NEGR1: variants seen among roughly 807,000 people sequenced by gnomAD.
NEGR1 encodes IgLON family member 4.
In NEGR1, 10 loss-of-function variants were observed where a neutral mutation model predicts 40.9. The observed-to-expected ratio is 0.24, with a 90% CI of 0.15 to 0.42. NEGR1 has a LOEUF of 0.42. Ranked by LOEUF, NEGR1 falls within the 10% of genes least tolerant of loss-of-function variation. The pLI, the probability that NEGR1 is intolerant of heterozygous loss-of-function variation, is 1.00. For missense variants in NEGR1, 352 were observed against 438.9 expected (o/e 0.80, Z 1.77); for synonymous variants, 185 against 166.8 (o/e 1.11, Z -0.84).
chr1:72,235,784 G>C (rs1237935671), intron 1 of NEGR1, among the ~76,000 whole-genome samples: 1 of 151,958 alleles, frequency 6.6e-6, no homozygotes, highest in Non-Finnish European at 1.5e-5. Flanking sequence ...GTGTTGAGAT[G>C]TAACATTTGA....
intron 1 of NEGR1, among the ~76,000 whole-genome samples, chr1:72,268,576 G>A (rs924144226): frequency 6.6e-6 from 1 of 151,392 alleles, no homozygotes; most frequent in Non-Finnish European, 1.5e-5. Context: ...ATGCATAAAT[G>A]CTGAAATTGG....
chr1:72,260,666 T>C (rs1362372591), intron 1 of NEGR1, among the ~76,000 whole-genome samples: 1 of 152,066 alleles, frequency 6.6e-6, no homozygotes, highest in African/African-American at 2.4e-5. Context: ...CCCAGTAAAA[T>C]GGGCTATGAA....
chr1:71,814,347 A>G (rs188601280), intron 2 of NEGR1, among the ~76,000 whole-genome samples: 112 of 152,226 alleles, frequency 7.4e-4, no homozygotes, highest in African/African-American at 2.5e-3. Context: ...ATCAATGTTC[A>G]TCAGGGATAT....
chr1:72,098,494 A>G (rs763527459), intron 1 of NEGR1, among the ~76,000 whole-genome samples: 30 of 152,142 alleles, frequency 2.0e-4, no homozygotes, highest in Non-Finnish European at 3.4e-4. Context: ...CACATTGCTT[A>G]TCAAGAATCA....
chr1:71,666,952 G>T (rs1386115247), intron 4 of NEGR1, among the ~76,000 whole-genome samples: 1 of 152,082 alleles, frequency 6.6e-6, no homozygotes, highest in Non-Finnish European at 1.5e-5. Context: ...TTTTCTGCAA[G>T]CATCTATCTG....
chr1:71,740,178 A>T (rs1655171368), intron 3 of NEGR1, among the ~76,000 whole-genome samples: 1 of 152,170 alleles, frequency 6.6e-6, no homozygotes, highest in Non-Finnish European at 1.5e-5. Flanking sequence ...TATGTTCCTA[A>T]TATGTTATAA....
At chr1:71,629,497 G>T (rs1650901462) in intron 4 of NEGR1, among the ~76,000 whole-genome samples, 1 of 151,922 alleles carries the variant, frequency 6.6e-6, no homozygotes, top group African/African-American at 2.4e-5. Context: ...TGTAGCAATT[G>T]TGAATGGGAG....
At chr1:71,682,740 G>A (rs1265652865) in intron 4 of NEGR1, among the ~76,000 whole-genome samples, 1 of 152,164 alleles carries the variant, frequency 6.6e-6, no homozygotes, top group African/African-American at 2.4e-5. Flanking sequence ...GCCCCAGTGG[G>A]AGGTATTTTG....
chr1:71,807,420 C>G (rs960172493), intron 2 of NEGR1, among the ~76,000 whole-genome samples: 1 of 152,002 alleles, frequency 6.6e-6, no homozygotes, highest in East Asian at 1.9e-4. Flanking sequence ...CAATAAAACA[C>G]CCTGTGAAAA....
intron 1 of NEGR1, among the ~76,000 whole-genome samples, chr1:72,125,750 A>T (rs1649991074): frequency 6.8e-6 from 1 of 148,140 alleles, no homozygotes; most frequent in South Asian, 2.1e-4. Flanking sequence ...TTCTCACATA[A>T]AATAAAAAAA....
intron 4 of NEGR1, among the ~76,000 whole-genome samples, chr1:71,695,618 C>G (rs200861204): frequency 2.0e-5 from 3 of 151,798 alleles, no homozygotes; most frequent in South Asian, 2.1e-4. Flanking sequence ...GCCACTAAAA[C>G]ACCTTTGTTA....
At chr1:71,958,725 G>A (rs1449035083) in intron 1 of NEGR1, among the ~76,000 whole-genome samples, 1 of 152,086 alleles carries the variant, frequency 6.6e-6, no homozygotes, top group South Asian at 2.1e-4. Flanking sequence ...AGGCTTAGGT[G>A]GATGGATGAT....
chr1:71,739,209 A>AC (rs1655133227), intron 3 of NEGR1, among the ~76,000 whole-genome samples: 2 of 150,286 alleles, frequency 1.3e-5, no homozygotes. Context: ...GAAAAAAAAA[A>AC]AAAAAAAACA....
At chr1:71,903,386 A>G (rs369704627) in intron 2 of NEGR1, among the ~76,000 whole-genome samples, 1 of 152,038 alleles carries the variant, frequency 6.6e-6, no homozygotes, top group East Asian at 1.9e-4. Context: ...TTTACTTTCA[A>G]TTCTATTTCT....
chr1:72,095,337 CCTTA>C (rs576721447), intron 1 of NEGR1, among the ~76,000 whole-genome samples: 18 of 152,092 alleles, frequency 1.2e-4, no homozygotes, highest in African/African-American at 3.9e-4. Context: ...GTCATATTTT[CCTTA>C]CTTTATCAAT....
At chr1:71,431,559 T>C (rs200506751) in intron 6 of NEGR1, among the ~76,000 whole-genome samples, 14 of 47,972 alleles carry the variant, frequency 2.9e-4, no homozygotes, top group African/African-American at 5.6e-4. Context: ...TCCATCCATC[T>C]GTTTATCCAT....
intron 4 of NEGR1, among the ~76,000 whole-genome samples, chr1:71,619,626 G>A (rs1422929195): frequency 6.6e-6 from 1 of 152,060 alleles, no homozygotes; most frequent in African/African-American, 2.4e-5. Flanking sequence ...TTAGACAGAT[G>A]TGAGTAAGAG....
Position 71,990,566 on chromosome 1 carries a change from A to C in NEGR1, c.177-55255T>G, listed in dbSNP as rs1646440150. Reference sequence around the variant, plus strand: ...AATGCATGCCAAGTAATATATTTTTATATTTGATTTACATAAGTTTGGATA... The same window carrying C: ...AATGCATGCCAAGTAATATATTTTTCTATTTGATTTACATAAGTTTGGATA... On this transcript the variant is annotated intron_variant, in intron 1 of 6. Coordinates refer to ENST00000357731, the MANE Select transcript of NEGR1 (RefSeq NM_173808.3). Among the ~76,000 whole-genome samples the C allele has an allele frequency of 2.0e-5, 3 of 152,208 alleles. No homozygotes were observed. In the South Asian group the frequency reaches 6.2e-4, roughly 32 times the overall value.
intron 3 of NEGR1, among the ~76,000 whole-genome samples, chr1:71,721,229 G>T (rs953002608): frequency 6.6e-6 from 1 of 152,084 alleles, no homozygotes; most frequent in Non-Finnish European, 1.5e-5. Context: ...CTTACAAAAA[G>T]TCGAATCCCT....
Sources: allele counts gnomAD v4.1 joint callset (sites outside exome capture counted in the v4.1 genomes callset), GRCh38; gene constraint gnomAD v4.1.1; transcripts MANE v1.5; gene names NCBI Gene and HGNC (gene_info 2026-07-23, HGNC 2026-07-21).